ENPP3: variants seen among roughly 807,000 people sequenced by gnomAD.
ENPP3 encodes ectonucleotide pyrophosphatase/phosphodiesterase family member 3.
A neutral mutation model predicts 117.8 loss-of-function variants in ENPP3; 104 were observed. The observed-to-expected ratio is 0.88, with a 90% confidence interval of 0.75 to 1.04. ENPP3 has a LOEUF of 1.04. Ranked by LOEUF, ENPP3 falls within the 50% of genes least tolerant of loss-of-function variation. The pLI is 0.00. For missense variants in ENPP3, 1,026 were observed against 1,051.9 expected, an observed-to-expected ratio of 0.98 and a Z score of 0.34; for synonymous variants, 380 against 349.9, an observed-to-expected ratio of 1.09 and a Z score of -0.96.
At chr6:131,699,285 A>T in intron 15 of ENPP3, among the ~76,000 whole-genome samples, 1 of 149,544 alleles carries the variant, frequency 6.7e-6, no homozygotes, top group African/African-American at 2.5e-5. Context: ...ACATAGTTTT[A>T]TATCTAACAT....
chr6:131,676,880 A>T, intron 10 of ENPP3, 79 bp downstream of exon 10: 1 of 924,470 alleles, frequency 1.1e-6, no homozygotes, highest in Non-Finnish European at 1.7e-6. Context: ...TTTTTACTTT[A>T]AATTACAATT....
intron 14 of ENPP3, among the ~76,000 whole-genome samples, chr6:131,688,288 TC>T (rs1325601406): frequency 2.0e-5 from 3 of 152,158 alleles, no homozygotes; most frequent in African/African-American, 7.2e-5. Flanking sequence ...ACTCTTCTAT[TC>T]CCTGAGGCAT....
At chr6:131,733,391 C>T (rs1390267256) in intron 20 of ENPP3, among the ~76,000 whole-genome samples, 197 bp from the exon 21 acceptor site, 2 of 152,116 alleles carry the variant, frequency 1.3e-5, no homozygotes, top group Admixed American at 6.6e-5. Context: ...TTTGCCCTCC[C>T]GATGTCCTTA....
chr6:131,643,210 G>T (rs1441755174), intron 2 of ENPP3, among the ~76,000 whole-genome samples: 1 of 152,150 alleles, frequency 6.6e-6, no homozygotes, highest in Admixed American at 6.5e-5. Flanking sequence ...GGGCCATAGT[G>T]CCAGTCCTTG....
chr6:131,734,449 T>G (rs931156938), intron 21 of ENPP3, among the ~76,000 whole-genome samples: 3 of 152,162 alleles, frequency 2.0e-5, no homozygotes, highest in Non-Finnish European at 2.9e-5. Context: ...AATTTAAAGA[T>G]TCCGAAATGT....
At chr6:131,683,021 T>C (rs1779059228) in intron 11 of ENPP3, 33 bp from the exon 12 acceptor site, 1 of 1,298,832 alleles carries the variant, frequency 7.7e-7, no homozygotes, top group East Asian at 2.3e-5. Flanking sequence ...AGACAACTCA[T>C]TACGACAATC....
At chr6:131,698,157 G>T (rs1779450792) in intron 15 of ENPP3, among the ~76,000 whole-genome samples, 2 of 152,092 alleles carry the variant, frequency 1.3e-5, no homozygotes, top group Non-Finnish European at 2.9e-5. Context: ...AAGTTCTGAA[G>T]GCAGGATGAT....
intron 6 of ENPP3, among the ~76,000 whole-genome samples, chr6:131,664,880 A>G (rs993454748): frequency 6.6e-6 from 1 of 152,176 alleles, no homozygotes; most frequent in African/African-American, 2.4e-5. Flanking sequence ...GTCTAACAAC[A>G]CATTTCTAGG....
At chr6:131,695,220 C>T (rs528908614) in intron 15 of ENPP3, among the ~76,000 whole-genome samples, 55 of 152,160 alleles carry the variant, frequency 3.6e-4, no homozygotes, top group Non-Finnish European at 6.3e-4. Flanking sequence ...AAATATATGT[C>T]CAAGTTGGGG....
chr6:131,653,409 A>G (rs1778308144), intron 5 of ENPP3, among the ~76,000 whole-genome samples: 1 of 151,828 alleles, frequency 6.6e-6, no homozygotes, highest in Non-Finnish European at 1.5e-5. Flanking sequence ...TGGCCTCCCA[A>G]AATGCTGGGA....
chr6:131,676,654 T>C (rs900725722), intron 9 of ENPP3, 82 bp from the exon 10 acceptor site: 38 of 927,838 alleles, frequency 4.1e-5, no homozygotes, highest in Non-Finnish European at 6.2e-5. Flanking sequence ...GCTGAAGATA[T>C]TAAACTTTCT....
rs1160221942 is a variant in ENPP3 at position 131,706,943 on chromosome 6, T to C, written c.1413-11729T>C. Among the ~76,000 whole-genome samples, 4 of 152,246 alleles carry C rather than the reference T, an allele frequency of 2.6e-5. No individual in the cohort carries two copies. In the South Asian group the frequency reaches 6.2e-4, roughly 24 times the overall value. ...CCTGGTTTTGGTATCACTGTAATAATAGCTTCAAAAAATAAATTGGGAAAT... is the reference window on the plus strand; with the variant it reads ...CCTGGTTTTGGTATCACTGTAATAACAGCTTCAAAAAATAAATTGGGAAAT... On this transcript the variant is annotated intron_variant, in intron 15 of 24. Transcript: ENST00000357639.
chr6:131,688,394 A>G (rs1779202884), intron 14 of ENPP3, among the ~76,000 whole-genome samples: 1 of 152,236 alleles, frequency 6.6e-6, no homozygotes, highest in African/African-American at 2.4e-5. Context: ...TTAAAGCAAA[A>G]GCTAGAAATG....
rs146856230 is a variant in ENPP3 at position 131,652,858 on chromosome 6, G to T, written c.431G>T (p.Cys144Phe). Reference sequence around the variant, plus strand: ...GAAACCTCATGGCTGGAAGAAAACTGTGACACAGCCCAGCAGTCTCAGTGC... The same window carrying T: ...GAAACCTCATGGCTGGAAGAAAACTTTGACACAGCCCAGCAGTCTCAGTGC... ...QGETSWLEEN[C>F]DTAQQSQCPE... Residue 144 changes from cysteine to phenylalanine, a missense_variant, in exon 5 of 25, where the codon TGT becomes TTT. Cys to Phe is a radical substitution (Grantham distance 205, BLOSUM62 -2). Transcript: ENST00000357639. The T allele has an allele frequency of 1.7e-4, 271 of 1,613,622 alleles. 1 individual carries two copies. The South Asian group carries it at 1.8e-3, about 10-fold the overall frequency.
At position 131,679,069 on chromosome 6, in the gene ENPP3, CTTTCTTTCTTTCTTTCTTTT is replaced by C. The variant is rs1562447024; in HGVS notation, c.1011+1130_1011+1149del. Among the ~76,000 whole-genome samples, 14 of 126,422 alleles carry C rather than the reference CTTTCTTTCTTTCTTTCTTTT, an allele frequency of 1.1e-4. 2 individuals carry two copies. The highest frequency in any genetic ancestry group is 3.8e-4 in the African/African-American group (12 of 31,224). 82.9% of individuals were successfully genotyped at this position (126,422 alleles called of 152,430 possible). ...TCTTTCTTTCTTTCTTTCTTTCTTT[CTTTCTTTCTTTCTTTCTTTT>C]CTTCTTTCTTTCTTTCCTTTTTTGA... On this transcript the variant is annotated intron_variant, in intron 11 of 24. Transcript: ENST00000357639.
chr6:131,745,759 T>G (rs931642169), intron 24 of ENPP3, among the ~76,000 whole-genome samples: 2 of 152,168 alleles, frequency 1.3e-5, no homozygotes, highest in African/African-American at 4.8e-5. Context: ...TTTCACTGCC[T>G]ATAGAACTGT....
Position 131,664,104 on chromosome 6 carries a change from C to A in ENPP3, c.562+5684C>A, listed in dbSNP as rs541974292. 2.0e-3 allele frequency among the ~76,000 whole-genome samples: 311 copies of A among 152,178 alleles called. 5 individuals carry two copies. The highest frequency in any genetic ancestry group is 2.9e-3 in the Non-Finnish European group (199 of 68,020). On this transcript the variant is annotated intron_variant, in intron 6 of 24. Transcript: ENST00000357639. ...TTAAAAATGTTAACTATAAAACAGC[C>A]TCAGGCAGGTTTTTCAGGAGGTATT...
rs776846027 is a variant in ENPP3 at position 131,722,251 on chromosome 6, C to G, written c.1592C>G (p.Pro531Arg). Residue 531 changes from proline to arginine, a missense_variant, in exon 18 of 25, where the codon CCA becomes CGA. Physicochemically the swap from Pro to Arg is moderately radical, Grantham distance 103. Coordinates refer to ENST00000357639, the MANE Select transcript of ENPP3 (RefSeq NM_005021.5). ...MCDLLRIQPA[P>R]NNGTHGSLNH... ...GATCTTCTACGCATTCAACCAGCAC[C>G]AAACAATGGAACCCATGGTAGTTTA... The G allele has an allele frequency of 7.4e-6, 12 of 1,613,552 alleles. No individual in the cohort carries two copies. The highest frequency in any genetic ancestry group is 1.3e-5 in the African/African-American group (1 of 74,892).
At chr6:131,679,026 CTTCTTTCTTTCTTTCT>C (rs1188919565) in intron 11 of ENPP3, among the ~76,000 whole-genome samples, 4 of 47,858 alleles carry the variant, frequency 8.4e-5, no homozygotes, top group African/African-American at 2.3e-4. Flanking sequence ...TCCTTCCTTC[CTTCTTTCTTTCTTTCT>C]TTCTTTCTTT....
Sources: allele counts gnomAD v4.1 joint callset (sites outside exome capture counted in the v4.1 genomes callset), GRCh38; gene constraint gnomAD v4.1.1; transcripts MANE v1.5; gene names NCBI Gene and HGNC (gene_info 2026-07-23, HGNC 2026-07-21).